Variants in TRAF3IP1 observed in about 807,000 individuals in gnomAD.
TRAF3IP1 encodes the protein TRAF3-interacting protein 1.
TRAF3IP1 carries 53 observed loss-of-function variants against 89.9 expected under a neutral mutation model. That is an observed-to-expected ratio of 0.59 (90% CI 0.47 to 0.74). The LOEUF (loss-of-function observed/expected upper bound fraction) is 0.74, where lower values mean the gene tolerates loss of function less well. Among genes scored for constraint, TRAF3IP1 ranks in the 30% least tolerant of loss-of-function variants. TRAF3IP1 has a pLI of 0.00. For missense variants in TRAF3IP1, 806 were observed against 866.1 expected (o/e 0.93, Z 0.87); for synonymous variants, 311 against 322.1 (o/e 0.97, Z 0.37).
At chr2:238,349,782 T>C (rs1699065127) in intron 12 of TRAF3IP1, among the ~76,000 whole-genome samples, 1 of 152,194 alleles carries the variant, frequency 6.6e-6, no homozygotes, top group Admixed American at 6.5e-5. Flanking sequence ...CAAAATGTTA[T>C]AAGCAGGCTG....
chr2:238,398,717 G>A, intron 16 of TRAF3IP1, 37 bp from the exon 17 acceptor site: 1 of 1,538,692 alleles, frequency 6.5e-7, no homozygotes, highest in Non-Finnish European at 8.7e-7. Flanking sequence ...ACAATGAGAT[G>A]AGAGAGTGAT....
At chr2:238,353,595 G>A (rs983626774) in intron 14 of TRAF3IP1, among the ~76,000 whole-genome samples, 1 of 152,132 alleles carries the variant, frequency 6.6e-6, no homozygotes, top group Non-Finnish European at 1.5e-5. Context: ...TGCAAACCCC[G>A]TTCCCCACAC....
At chr2:238,333,317 C>A (rs1454279931) in intron 6 of TRAF3IP1, among the ~76,000 whole-genome samples, 3 of 152,082 alleles carry the variant, frequency 2.0e-5, no homozygotes, top group South Asian at 2.1e-4. Flanking sequence ...TTTCCTGGGG[C>A]TGGGTATGGT....
At chr2:238,359,152 G>A (rs1699552972) in intron 15 of TRAF3IP1, among the ~76,000 whole-genome samples, 1 of 152,128 alleles carries the variant, frequency 6.6e-6, no homozygotes, top group African/African-American at 2.4e-5. Context: ...GCTTAGAAGT[G>A]CTGTGCCAGG....
chr2:238,367,532 CTGGGGT>C (rs1393768998), intron 15 of TRAF3IP1, among the ~76,000 whole-genome samples: 5 of 152,204 alleles, frequency 3.3e-5, no homozygotes, highest in African/African-American at 1.2e-4. Context: ...TCAGCATGGG[CTGGGGT>C]CCCCTTAGCA....
At chr2:238,397,427 G>T in intron 15 of TRAF3IP1, 32 bp from the exon 16 acceptor site, 3 of 1,603,770 alleles carry the variant, frequency 1.9e-6, no homozygotes, top group Non-Finnish European at 2.6e-6. Context: ...CTGAGGAGGC[G>T]TGTTCCTCTT....
chr2:238,372,546 G>A (rs1361656657), intron 15 of TRAF3IP1, among the ~76,000 whole-genome samples: 1 of 152,162 alleles, frequency 6.6e-6, no homozygotes, highest in Non-Finnish European at 1.5e-5. Context: ...GGACATTTGG[G>A]TTGGTTCCAA....
At chr2:238,338,217 G>T (rs1396833240) in intron 7 of TRAF3IP1, 145 bp from the exon 8 acceptor site, 2 of 516,546 alleles carry the variant, frequency 3.9e-6, no homozygotes, top group African/African-American at 3.9e-5. Context: ...GGGGAATCAT[G>T]TGGAGGCTGA....
At chr2:238,321,135 C>T (rs1321788818) in intron 1 of TRAF3IP1, among the ~76,000 whole-genome samples, 3 of 152,120 alleles carry the variant, frequency 2.0e-5, no homozygotes, top group African/African-American at 7.2e-5. Flanking sequence ...AGGTCCTGCC[C>T]CTCCCCCGGC....
intron 5 of TRAF3IP1, among the ~76,000 whole-genome samples, chr2:238,330,850 CCACTG>C (rs1698083842): frequency 6.6e-6 from 1 of 152,180 alleles, no homozygotes; most frequent in South Asian, 2.1e-4. Flanking sequence ...CTTTCCCCCT[CCACTG>C]CACATCCTGG....
In TRAF3IP1 at chr2:238,354,416, A is replaced by G. The variant is rs143377069; in HGVS notation, c.1612+1207A>G. 7.4e-4 allele frequency among the ~76,000 whole-genome samples: 113 copies of G among 152,262 alleles called. 2 individuals carry two copies. The highest frequency in any genetic ancestry group is 2.6e-3 in the African/African-American group (106 of 41,552). On this transcript the variant is annotated intron_variant, in intron 14 of 16. Coordinates refer to ENST00000373327, the MANE Select transcript of TRAF3IP1 (RefSeq NM_015650.4). ...AAGTATATTCTGACTTAGTGATGAT[A>G]TTTCCAATTCCGATTTAGGATTGTA...
Position 238,345,865 on chromosome 2 carries a change from C to A in TRAF3IP1, c.1261+1267C>A, listed in dbSNP as rs1698869172. 6.6e-6 allele frequency among the ~76,000 whole-genome samples: 1 copy of A among 152,096 alleles called. No individual in the cohort carries two copies. The highest frequency in any genetic ancestry group is 2.1e-4 in the South Asian group (1 of 4,818). On this transcript the variant is annotated intron_variant, in intron 9 of 16. Transcript: ENST00000373327. This position sits in a 1 kb window ranked among gnomAD's most constrained non-coding sequence, Gnocchi z 4.7. ...TGGCAGAGCACTGGCGCTGTGGAAGCACAGGCGTCGGGGAGGATGGTGTGG... is the reference window on the plus strand; with the variant it reads ...TGGCAGAGCACTGGCGCTGTGGAAGAACAGGCGTCGGGGAGGATGGTGTGG...
chr2:238,395,335 G>C lies in TRAF3IP1; in HGVS notation c.1690-2124G>C, dbSNP rs181187604. On this transcript the variant is annotated intron_variant, in intron 15 of 16. Coordinates refer to ENST00000373327, the MANE Select transcript of TRAF3IP1 (RefSeq NM_015650.4). ...TGGGAAAACTGGCTAGCCATATGTA[G>C]AAAGCTGAAATTGGATCCCTTCCTT... is the stretch of plus-strand genomic sequence containing the variant. 3.2e-3 allele frequency among the ~76,000 whole-genome samples: 482 copies of C among 152,298 alleles called. 3 individuals carry two copies. Among genetic ancestry groups the C allele is most frequent in the African/African-American group, 0.011 (457 of 41,562 alleles).
chr2:238,381,287 G>A (rs1296506787), intron 15 of TRAF3IP1, among the ~76,000 whole-genome samples: 1 of 152,084 alleles, frequency 6.6e-6, no homozygotes, highest in Non-Finnish European at 1.5e-5. Context: ...GGTTGCACCC[G>A]CATTCCAGAA....
At chr2:238,381,609 A>G (rs116408990) in intron 15 of TRAF3IP1, among the ~76,000 whole-genome samples, 267 of 152,332 alleles carry the variant, frequency 1.8e-3, no homozygotes, top group African/African-American at 6.2e-3. Flanking sequence ...GAGATGGACC[A>G]AAGTTCCCTT....
chr2:238,327,138 C>T (rs1038487099), intron 3 of TRAF3IP1, among the ~76,000 whole-genome samples: 2 of 152,324 alleles, frequency 1.3e-5, no homozygotes, highest in South Asian at 2.1e-4. Flanking sequence ...CCATTCCAGT[C>T]GCCACGCACC....
intron 15 of TRAF3IP1, among the ~76,000 whole-genome samples, chr2:238,374,151 G>A (rs1258039510): frequency 2.0e-5 from 3 of 152,178 alleles, no homozygotes; most frequent in Non-Finnish European, 4.4e-5. Flanking sequence ...GCCCTGGCCG[G>A]AACTTCCAAC....
rs1049184616 is a variant in TRAF3IP1, at chr2:238,379,283, G to T, written c.1690-18176G>T. 6.6e-6 allele frequency among the ~76,000 whole-genome samples: 1 copy of T among 152,172 alleles called. No individual in the cohort carries two copies. The highest frequency in any genetic ancestry group is 1.5e-5 in the Non-Finnish European group (1 of 68,032). On this transcript the variant is annotated intron_variant, in intron 15 of 16. Transcript: ENST00000373327. The surrounding 1 kb of genome is among the most constrained non-coding windows in gnomAD (Gnocchi z 4.0). Reference sequence around the variant, plus strand: ...CACCTAGCTGTGTGGGGCCTCAGCCGCACACTCACCATCTCTGACCCGGGC... The same window carrying T: ...CACCTAGCTGTGTGGGGCCTCAGCCTCACACTCACCATCTCTGACCCGGGC...
chr2:238,398,801 T>C lies in TRAF3IP1; in HGVS notation c.1958T>C (p.Leu653Pro). The C allele has an allele frequency of 1.2e-6, 2 of 1,612,810 alleles. No homozygotes were observed. The highest frequency in any genetic ancestry group is 1.7e-6 in the Non-Finnish European group (2 of 1,179,594). ...VEPLKAELAE[L>P]EQLIKDQQDK... Reference sequence around the variant, plus strand: ...CCCTTAAAGGCTGAGCTCGCGGAGCTGGAGCAGCTGATCAAAGACCAGCAA... The same window carrying C: ...CCCTTAAAGGCTGAGCTCGCGGAGCCGGAGCAGCTGATCAAAGACCAGCAA... Residue 653 changes from leucine (L) to proline (P), a missense_variant, in exon 17 of 17, where the codon CTG becomes CCG. Leu to Pro is a moderately conservative substitution (Grantham distance 98). Transcript: ENST00000373327.
Sources: allele counts gnomAD v4.1 joint callset (sites outside exome capture counted in the v4.1 genomes callset), GRCh38; gene constraint gnomAD v4.1.1; non-coding constraint Gnocchi (gnomAD v3.1); transcripts MANE v1.5; gene names NCBI Gene and HGNC (gene_info 2026-07-23, HGNC 2026-07-21).